Variants in TULP4 observed in about 807,000 individuals in gnomAD.
TULP4 encodes the protein tubby-related protein 4.
A neutral mutation model predicts 129.0 loss-of-function variants in TULP4; 16 were observed. The ratio of observed to expected loss-of-function variants is 0.12; its 90% CI spans 0.08 to 0.19. The LOEUF is 0.19. TULP4 is among the 10% of genes least tolerant of loss of function. The pLI, the probability that TULP4 is intolerant of heterozygous loss-of-function variation, is 1.00. For synonymous variants in TULP4, 998 were observed against 854.0 expected (o/e 1.17, Z -2.94); for missense variants, 1,842 against 2,059.1 (o/e 0.89, Z 2.04).
At chr6:158,495,452 T>C (rs1333083581) in intron 11 of TULP4, among the ~76,000 whole-genome samples, 1 of 152,236 alleles carries the variant, frequency 6.6e-6, no homozygotes, top group East Asian at 1.9e-4. Context: ...ACAGCTCGTA[T>C]AGATTTCTCA....
In TULP4 at chr6:158,328,079, GGTGTGTGTGT is replaced by G. The variant is rs766393090; in HGVS notation, c.252+13851_252+13860del. Among the ~76,000 whole-genome samples, 701 of 120,576 alleles carry G rather than the reference GGTGTGTGTGT, an allele frequency of 5.8e-3. 2 individuals are homozygous for G. Among genetic ancestry groups the G allele is most frequent in the Middle Eastern group, 0.017 (4 of 234 alleles). The allele number at this position is 120,576 out of a possible 152,430, so 79.1% of individuals were successfully genotyped here. ...TCCTGTTGCCAGCATTCTCAGAGCTGGTGTGTGTGTGTGTGTGTGTGTGTGTGTGTGTGTG... is the reference window on the plus strand; with the variant it reads ...TCCTGTTGCCAGCATTCTCAGAGCTGGTGTGTGTGTGTGTGTGTGTGTGTG... On this transcript the variant is annotated intron_variant, in intron 1 of 13. Transcript: ENST00000367097.
chr6:158,502,173 AC>A lies in TULP4; in HGVS notation c.2513del (p.Pro838GlnfsTer28). 6.6e-7 allele frequency: 1 copy of A among 1,506,260 alleles called. No homozygotes were observed. Among genetic ancestry groups the A allele is most frequent in the Non-Finnish European group, 8.9e-7 (1 of 1,123,842 alleles). 93.3% of individuals were successfully genotyped at this position (1,506,260 alleles called of 1,614,324 possible). A position where few individuals can be genotyped will look rare whatever the true frequency, so the allele number is the denominator to read the frequency against. ...ACGAAGATAAACCCTCCACCCCCGT[AC>A]CCAGGAACCATCCCCGCTGCCCCCA... The part of the protein sequence containing the change: ...QVTKINPPPP[Y>X]PGTIPAAPTT... On this transcript the variant is annotated frameshift_variant, in exon 13 of 14. Coordinates refer to ENST00000367097, the MANE Select transcript of TULP4 (RefSeq NM_020245.5). LOFTEE classifies it high-confidence loss of function.
intron 1 of TULP4, among the ~76,000 whole-genome samples, chr6:158,365,429 G>A (rs1247878233): frequency 1.4e-5 from 2 of 143,958 alleles, no homozygotes; most frequent in African/African-American, 2.6e-5. Context: ...TATTTTTCTT[G>A]TGTATCTCTT....
chr6:158,240,691 G>A (rs1365908066), intron 1 of TULP4, among the ~76,000 whole-genome samples: 3 of 114,970 alleles, frequency 2.6e-5, no homozygotes, highest in African/African-American at 5.6e-5. Context: ...CTGGCCAGGC[G>A]GGGGGCTGAC....
intron 1 of TULP4, among the ~76,000 whole-genome samples, chr6:158,359,058 A>T (rs1336202328): frequency 6.6e-6 from 1 of 152,124 alleles, no homozygotes; most frequent in Non-Finnish European, 1.5e-5. Flanking sequence ...TTTTATATTG[A>T]ATAAGGAGGA....
At chr6:158,273,500 G>A (rs747493348) in intron 1 of TULP4, among the ~76,000 whole-genome samples, 13 of 152,162 alleles carry the variant, frequency 8.5e-5, no homozygotes, top group Non-Finnish European at 1.8e-4. Flanking sequence ...TTGACTCCGA[G>A]GTTCAGATGC....
chr6:158,366,408 A>G (rs556894588), intron 1 of TULP4, among the ~76,000 whole-genome samples: 68 of 152,314 alleles, frequency 4.5e-4, no homozygotes, highest in Admixed American at 1.8e-3. Flanking sequence ...TAGAGGGCCA[A>G]TCTTTTCCCT....
At chr6:158,489,495 G>A in intron 8 of TULP4, 93 bp from the exon 9 acceptor site, 1 of 1,473,468 alleles carries the variant, frequency 6.8e-7, no homozygotes, top group Non-Finnish European at 9.3e-7. Flanking sequence ...ATGGCCTGTG[G>A]AGTCCGTCTG....
chr6:158,237,343 C>G, intron 1 of TULP4: 1 of 1,611,952 alleles, frequency 6.2e-7, no homozygotes, highest in Non-Finnish European at 8.5e-7. Context: ...TCATCACCAG[C>G]CACCTTTTCC....
intron 1 of TULP4, among the ~76,000 whole-genome samples, chr6:158,297,233 G>A (rs759002515): frequency 8.5e-5 from 13 of 152,098 alleles, no homozygotes; most frequent in African/African-American, 1.4e-4. Context: ...TACTTGGCAC[G>A]TCCATTTATA....
chr6:158,347,152 C>T (rs1242517814), intron 1 of TULP4, among the ~76,000 whole-genome samples: 2 of 152,126 alleles, frequency 1.3e-5, no homozygotes. Context: ...TTATTGGATT[C>T]CAGAGTGTCT....
At chr6:158,251,583 C>G (rs773162609) in intron 1 of TULP4, among the ~76,000 whole-genome samples, 1 of 152,164 alleles carries the variant, frequency 6.6e-6, no homozygotes, top group African/African-American at 2.4e-5. Flanking sequence ...TAGATTGGCT[C>G]TAATGTAAAC....
At chr6:158,479,226 G>A (rs1779884413) in intron 6 of TULP4, among the ~76,000 whole-genome samples, 2 of 152,114 alleles carry the variant, frequency 1.3e-5, no homozygotes, top group South Asian at 4.2e-4. Context: ...GGTAATTTGG[G>A]AATCTAGAAA....
At chr6:158,491,140 A>G (rs903749264) in intron 9 of TULP4, among the ~76,000 whole-genome samples, 11 of 152,222 alleles carry the variant, frequency 7.2e-5, no homozygotes, top group Non-Finnish European at 1.3e-4. Context: ...AATCCCTACC[A>G]GCAATTTCCA....
Position 158,511,180 on chromosome 6 carries a change from G to A in TULP4, c.*4486G>A, listed in dbSNP as rs1780732285. On this transcript the variant is annotated 3_prime_UTR_variant, in exon 14 of 14. Transcript: ENST00000367097. The stretch of plus-strand genomic sequence containing the variant: ...TTCTGTTTACAGTTCTTTTTAAGGG[G>A]AGGGGTAGGGTTCTAAGATCTTGTT... The A allele has an allele frequency of 6.6e-6, 1 of 152,570 alleles. No individual in the cohort carries two copies. The highest frequency in any genetic ancestry group is 2.1e-4 in the South Asian group (1 of 4,832). 9.5% of individuals were successfully genotyped at this position (152,570 alleles called of 1,614,324 possible).
chr6:158,377,593 A>C (rs1777221031), intron 1 of TULP4, among the ~76,000 whole-genome samples: 1 of 152,176 alleles, frequency 6.6e-6, no homozygotes, highest in Non-Finnish European at 1.5e-5. Flanking sequence ...TTTGTGCTAG[A>C]CACTATGCTG....
At chr6:158,329,394 A>G (rs1056002084) in intron 1 of TULP4, among the ~76,000 whole-genome samples, 4 of 150,728 alleles carry the variant, frequency 2.7e-5, no homozygotes, top group African/African-American at 9.7e-5. Flanking sequence ...TGTATGTTTT[A>G]GCTCTGTTCT....
intron 1 of TULP4, among the ~76,000 whole-genome samples, chr6:158,384,622 G>A (rs1777399972): frequency 6.6e-6 from 1 of 152,146 alleles, no homozygotes; most frequent in Admixed American, 6.5e-5. Context: ...TTAGTTGGCA[G>A]TGGTTGATCC....
chr6:158,469,465 C>T (rs1779625306), intron 6 of TULP4, among the ~76,000 whole-genome samples: 1 of 151,798 alleles, frequency 6.6e-6, no homozygotes, highest in African/African-American at 2.4e-5. Flanking sequence ...GTAGAGACAG[C>T]GTCTCACCAT....
Sources: gnomAD v4.1 joint callset for allele counts (sites outside exome capture counted in the v4.1 genomes callset) on GRCh38, gnomAD v4.1.1 for gene constraint, MANE v1.5 for transcripts, NCBI Gene and HGNC (gene_info 2026-07-23, HGNC 2026-07-21) for gene names.